The following IQCH variants were observed in gnomAD, a reference collection of about 807,000 sequenced individuals.
IQCH encodes the protein IQ domain-containing protein H.
IQCH carries 98 observed loss-of-function variants against 117.0 expected under a neutral mutation model. That is an observed-to-expected ratio of 0.84 (90% CI 0.71 to 0.99). The LOEUF (loss-of-function observed/expected upper bound fraction) is 0.99, where lower values mean the gene tolerates loss of function less well. Among genes scored for constraint, IQCH ranks in the 50% least tolerant of loss-of-function variants. IQCH has a pLI of 0.00. For missense variants in IQCH, 1,102 were observed against 1,243.8 expected, an observed-to-expected ratio of 0.89 and a Z score of 1.72; for synonymous variants, 412 against 448.2, an observed-to-expected ratio of 0.92 and a Z score of 1.02.
In IQCH at chr15:67,417,124, G is replaced by A; in HGVS notation, c.2218+73G>A. The A allele has an allele frequency of 7.5e-7, 1 of 1,340,342 alleles. No homozygotes were observed. The highest frequency in any genetic ancestry group is 1.0e-6 in the Non-Finnish European group (1 of 999,096). 83.0% of individuals were successfully genotyped at this position (1,340,342 alleles called of 1,614,324 possible). ...TGGATTCTAGTTTTGGGTCAACTGG[G>A]GCCAATTTAAATACTTTGCATCTCC... On this transcript the variant is annotated intron_variant, in intron 15 of 20. Coordinates refer to ENST00000335894, the MANE Select transcript of IQCH (RefSeq NM_001031715.3). The surrounding 1 kb of genome is among the most constrained non-coding windows in gnomAD (Gnocchi z 4.3).
Position 67,472,783 on chromosome 15 carries a change from G to GGATGGT in IQCH, c.2677-2906_2677-2901dup, listed in dbSNP as rs1207591454. Among the ~76,000 whole-genome samples, 2 of 152,124 alleles carry GGATGGT rather than the reference G, an allele frequency of 1.3e-5. No individual in the cohort carries two copies. Among genetic ancestry groups the GGATGGT allele is most frequent in the Non-Finnish European group, 2.9e-5 (2 of 68,030 alleles). On this transcript the variant is annotated intron_variant, in intron 17 of 20. Transcript: ENST00000335894. The surrounding 1 kb of genome is among the most constrained non-coding windows in gnomAD (Gnocchi z 4.3). ...CTCCAGGCAATAAAGGTCTGGACTA[G>GGATGGT]GATGGTGATGGTTATGGAAAAGAAG...
intron 3 of IQCH, among the ~76,000 whole-genome samples, chr15:67,277,234 G>C (rs1966160185): frequency 6.6e-6 from 1 of 151,990 alleles, no homozygotes; most frequent in African/African-American, 2.4e-5. Flanking sequence ...TTTCATTAGT[G>C]CCCTTAGCCT....
intron 17 of IQCH, among the ~76,000 whole-genome samples, chr15:67,469,698 C>T (rs1453703480): frequency 6.6e-6 from 1 of 152,232 alleles, no homozygotes; most frequent in East Asian, 1.9e-4. Context: ...CCAAAGGACA[C>T]AGAGCCTTTA....
At chr15:67,314,386 A>C (rs1210706715) in intron 4 of IQCH, among the ~76,000 whole-genome samples, 1 of 151,676 alleles carries the variant, frequency 6.6e-6, no homozygotes, top group Non-Finnish European at 1.5e-5. Context: ...TGTCTTCCCA[A>C]TCTAATAATG....
chr15:67,382,015 C>T (rs1051090045), intron 10 of IQCH, among the ~76,000 whole-genome samples: 9 of 151,574 alleles, frequency 5.9e-5, no homozygotes, highest in African/African-American at 1.5e-4. Context: ...TTTTTGAGTA[C>T]GGGCTTCACA....
rs1027989928 is a variant in IQCH at position 67,267,774 on chromosome 15, G to C, written c.269+4558G>C. Among the ~76,000 whole-genome samples, 3 of 152,124 alleles carry C rather than the reference G, an allele frequency of 2.0e-5. No individual in the cohort carries two copies. The South Asian group carries it at 6.2e-4, about 32-fold the overall frequency. The stretch of plus-strand genomic sequence containing the variant: ...AGAATCAACATTGTTTAGATATGGG[G>C]CTTCACTTTATCTATGGAAACCCAG... On this transcript the variant is annotated intron_variant, in intron 3 of 20. Coordinates refer to ENST00000335894, the MANE Select transcript of IQCH (RefSeq NM_001031715.3).
At chr15:67,286,775 AT>A (rs959613132) in intron 4 of IQCH, among the ~76,000 whole-genome samples, 6 of 150,514 alleles carry the variant, frequency 4.0e-5, no homozygotes, top group Non-Finnish European at 8.9e-5. Context: ...CACCCGGCTA[AT>A]TTTTTTTTGT....
intron 4 of IQCH, chr15:67,281,471 C>G: frequency 3.1e-6 from 1 of 317,936 alleles, no homozygotes. Flanking sequence ...GTTTATAAAT[C>G]AGGTTCAGTG....
chr15:67,254,957 G>C lies in IQCH; in HGVS notation c.51+10G>C, dbSNP rs371158214. 6.2e-7 allele frequency: 1 copy of C among 1,612,166 alleles called. No individual in the cohort carries two copies. Among genetic ancestry groups the C allele is most frequent in the Non-Finnish European group, 8.5e-7 (1 of 1,178,954 alleles). ...ATCCATCTTAATCCAGGTGGGAAAC[G>C]GGCTTCCCCCGGCCCTGCCCTGCCC... On this transcript the variant is annotated intron_variant, in intron 1 of 20. Coordinates refer to ENST00000335894, the MANE Select transcript of IQCH (RefSeq NM_001031715.3).
At chr15:67,289,826 A>T (rs1360589420) in intron 4 of IQCH, among the ~76,000 whole-genome samples, 1 of 152,156 alleles carries the variant, frequency 6.6e-6, no homozygotes, top group African/African-American at 2.4e-5. Context: ...AAGTTTCTGT[A>T]TCACAAATCA....
At chr15:67,377,941 C>G (rs1970794014) in intron 10 of IQCH, among the ~76,000 whole-genome samples, 1 of 152,088 alleles carries the variant, frequency 6.6e-6, no homozygotes, top group East Asian at 1.9e-4. Context: ...ATTCTTCTTT[C>G]CATAAAAATT....
At position 67,445,099 on chromosome 15, in the gene IQCH, G is replaced by T. The variant is rs376809799; in HGVS notation, c.2506-20028G>T. ...GGCTTTGGTATGATTTTTTTTAAAG[G>T]AAATATCAGATAATCCATTGCTTTT... On this transcript the variant is annotated intron_variant, in intron 16 of 20. Transcript: ENST00000335894. The surrounding 1 kb of genome is among the most constrained non-coding windows in gnomAD (Gnocchi z 4.3). Among the ~76,000 whole-genome samples the T allele has an allele frequency of 5.8e-4, 88 of 152,022 alleles. 6 individuals are homozygous for T. In the East Asian group the frequency reaches 5.8e-3, roughly 10 times the overall value.
intron 16 of IQCH, among the ~76,000 whole-genome samples, chr15:67,423,987 G>A (rs953415234): frequency 6.6e-6 from 1 of 152,122 alleles, no homozygotes; most frequent in African/African-American, 2.4e-5. Flanking sequence ...ATTTGAGTTT[G>A]GTATAAGGAA....
chr15:67,374,348 G>A (rs1048737073), intron 10 of IQCH, among the ~76,000 whole-genome samples: 1 of 152,148 alleles, frequency 6.6e-6, no homozygotes, highest in Non-Finnish European at 1.5e-5. Context: ...AGTCTTTTAA[G>A]TAGAGCAATG....
intron 4 of IQCH, among the ~76,000 whole-genome samples, chr15:67,335,159 A>G (rs1179792569): frequency 6.6e-6 from 1 of 152,158 alleles, no homozygotes; most frequent in Non-Finnish European, 1.5e-5. Context: ...GATTGATGCA[A>G]TTGAAAGAAT....
chr15:67,268,516 A>G (rs890945659), intron 3 of IQCH, among the ~76,000 whole-genome samples: 1 of 152,186 alleles, frequency 6.6e-6, no homozygotes, highest in Non-Finnish European at 1.5e-5. Context: ...GGTGACTGCC[A>G]TCTGTACCAG....
chr15:67,398,069 A>G (rs1971526498), intron 13 of IQCH, among the ~76,000 whole-genome samples: 1 of 152,192 alleles, frequency 6.6e-6, no homozygotes, highest in Non-Finnish European at 1.5e-5. Flanking sequence ...ACTGTAGGGG[A>G]TCCATCAACA....
intron 14 of IQCH, among the ~76,000 whole-genome samples, chr15:67,402,672 A>G (rs1971713214): frequency 6.6e-6 from 1 of 152,210 alleles, no homozygotes; most frequent in African/African-American, 2.4e-5. Flanking sequence ...ATGAAAGACT[A>G]TCCTGCAGGC....
chr15:67,390,010 A>G lies in IQCH; in HGVS notation c.1632+1004A>G, dbSNP rs1055487992. ...GGGTTTATTCTTTTCTACCAAAATG[A>G]AGATTTTATTTTTTCATAACTGGAT... On this transcript the variant is annotated intron_variant, in intron 12 of 20. Coordinates refer to ENST00000335894, the MANE Select transcript of IQCH (RefSeq NM_001031715.3). This position sits in a 1 kb window ranked among gnomAD's most constrained non-coding sequence, Gnocchi z 5.0. Among the ~76,000 whole-genome samples the G allele has an allele frequency of 3.9e-5, 6 of 152,140 alleles. No homozygotes were observed. Among genetic ancestry groups the G allele is most frequent in the African/African-American group, 1.4e-4 (6 of 41,434 alleles).
Sources: allele counts gnomAD v4.1 joint callset (sites outside exome capture counted in the v4.1 genomes callset), GRCh38; gene constraint gnomAD v4.1.1; non-coding constraint Gnocchi (gnomAD v3.1); transcripts MANE v1.5; gene names NCBI Gene and HGNC (gene_info 2026-07-23, HGNC 2026-07-21).